The following MALRD1 variants were observed in gnomAD, a reference collection of about 807,000 sequenced individuals.
MALRD1 encodes the protein MAM and LDL receptor class A domain containing 1.
MALRD1 carries 247 observed loss-of-function variants against 242.1 expected under a neutral mutation model. The ratio of observed to expected loss-of-function variants is 1.02; its 90% CI spans 0.92 to 1.13. The LOEUF (loss-of-function observed/expected upper bound fraction) is 1.13, where lower values mean the gene tolerates loss of function less well. Among genes scored for constraint, MALRD1 ranks in the 50% most tolerant of loss-of-function variants. MALRD1 has a pLI of 0.00. For missense variants in MALRD1, 2,989 were observed against 2,533.1 expected (o/e 1.18, Z -3.86); for synonymous variants, 995 against 866.6 (o/e 1.15, Z -2.60).
chr10:19,515,512 G>GT (rs1322944276), intron 31 of MALRD1, among the ~76,000 whole-genome samples: 1 of 151,514 alleles, frequency 6.6e-6, no homozygotes, highest in Non-Finnish European at 1.5e-5. Context: ...TTAACTTGTT[G>GT]TTTGTACAGA....
At chr10:19,446,638 T>C (rs1385454300) in intron 28 of MALRD1, among the ~76,000 whole-genome samples, 1 of 152,194 alleles carries the variant, frequency 6.6e-6, no homozygotes, top group African/African-American at 2.4e-5. Context: ...AAACACACTA[T>C]AAAATAAATA....
chr10:19,719,231 T>TATATATATACATACATAC (rs1834608790), intron 38 of MALRD1, among the ~76,000 whole-genome samples: 1 of 31,406 alleles, frequency 3.2e-5, no homozygotes, highest in Non-Finnish European at 5.9e-5. Flanking sequence ...TACATATATA[T>TATATATATACATACATAC]ATATATATAT....
chr10:19,393,612 ATTTTTTT>A (rs71387075), intron 28 of MALRD1, among the ~76,000 whole-genome samples: 1 of 132,416 alleles, frequency 7.6e-6, no homozygotes, highest in Non-Finnish European at 1.6e-5. Flanking sequence ...CGCCTGGCTA[ATTTTTTT>A]TTTTTTTTTT....
intron 36 of MALRD1, among the ~76,000 whole-genome samples, chr10:19,618,110 T>C (rs555805801): frequency 7.9e-5 from 12 of 152,178 alleles, no homozygotes; most frequent in African/African-American, 2.9e-4. Flanking sequence ...GTTAGTTTGC[T>C]AAAGATAATG....
chr10:19,140,894 A>G (rs1588604952), intron 10 of MALRD1, among the ~76,000 whole-genome samples: 1 of 152,278 alleles, frequency 6.6e-6, no homozygotes, highest in East Asian at 1.9e-4. Flanking sequence ...AGTTAGTAAC[A>G]CTGTATTGTA....
chr10:19,532,101 ACT>A lies in MALRD1; in HGVS notation c.5478+753_5478+754del, dbSNP rs1211838104. 1.2e-4 allele frequency among the ~76,000 whole-genome samples: 18 copies of A among 152,244 alleles called. 1 individual carries two copies. The South Asian group carries it at 3.7e-3, about 32-fold the overall frequency. ...CCTTATATTTACATGTATTATAAAC[ACT>A]CTATGGTATCAATTTTAATTCTCAC... On this transcript the variant is annotated intron_variant, in intron 32 of 39. Coordinates refer to ENST00000454679, the MANE Select transcript of MALRD1 (RefSeq NM_001142308.3).
intron 21 of MALRD1, among the ~76,000 whole-genome samples, chr10:19,298,747 C>A (rs1841820386): frequency 6.6e-6 from 1 of 151,908 alleles, no homozygotes; most frequent in African/African-American, 2.4e-5. Flanking sequence ...GTTAAGAGTG[C>A]AGAGTTTTGG....
At chr10:19,494,503 A>C (rs1325693132) in intron 30 of MALRD1, among the ~76,000 whole-genome samples, 1 of 152,210 alleles carries the variant, frequency 6.6e-6, no homozygotes, top group Admixed American at 6.5e-5. Flanking sequence ...TCAGGAGGAC[A>C]TTGAAACCCA....
intron 19 of MALRD1, among the ~76,000 whole-genome samples, chr10:19,268,940 T>C (rs1427768115): frequency 6.6e-6 from 1 of 152,158 alleles, no homozygotes; most frequent in East Asian, 1.9e-4. Context: ...GGTAGTTTGG[T>C]TCCCCTGTGG....
chr10:19,087,230 A>T (rs891877601), intron 2 of MALRD1, among the ~76,000 whole-genome samples: 2 of 152,068 alleles, frequency 1.3e-5, no homozygotes, highest in Non-Finnish European at 2.9e-5. Flanking sequence ...TTTGGTAGGC[A>T]GTCCTAATAG....
intron 21 of MALRD1, among the ~76,000 whole-genome samples, chr10:19,302,471 C>T (rs1006335742): frequency 1.3e-5 from 2 of 151,730 alleles, no homozygotes; most frequent in Non-Finnish European, 2.9e-5. Flanking sequence ...AATGACGGAC[C>T]GTTGTGTGCT....
At chr10:19,578,036 ATGT>A (rs963061064) in intron 33 of MALRD1, among the ~76,000 whole-genome samples, 4 of 152,264 alleles carry the variant, frequency 2.6e-5, no homozygotes, top group Admixed American at 1.3e-4. Flanking sequence ...TGGAACACAT[ATGT>A]TGTTTGCTGG....
chr10:19,643,777 C>T (rs1382903691), intron 36 of MALRD1, among the ~76,000 whole-genome samples: 1 of 152,160 alleles, frequency 6.6e-6, no homozygotes, highest in African/African-American at 2.4e-5. Flanking sequence ...TATCTATTCT[C>T]TCCCTTTCTT....
intron 32 of MALRD1, among the ~76,000 whole-genome samples, chr10:19,532,572 T>G (rs772396453): frequency 6.6e-6 from 1 of 152,098 alleles, no homozygotes; most frequent in Non-Finnish European, 1.5e-5. Flanking sequence ...ATATGATATC[T>G]ATTACACAGT....
At chr10:19,083,023 G>T (rs1373242400) in intron 2 of MALRD1, among the ~76,000 whole-genome samples, 1 of 151,974 alleles carries the variant, frequency 6.6e-6, no homozygotes, top group Non-Finnish European at 1.5e-5. Context: ...GGTGGAAGGG[G>T]CAAAGCAAAT....
chr10:19,601,227 T>G (rs1465152035), intron 34 of MALRD1, among the ~76,000 whole-genome samples: 3 of 152,080 alleles, frequency 2.0e-5, no homozygotes. Flanking sequence ...TGAAAGAGAA[T>G]GTACCAAAAA....
At chr10:19,315,903 T>G (rs986074847) in intron 21 of MALRD1, among the ~76,000 whole-genome samples, 1 of 149,186 alleles carries the variant, frequency 6.7e-6, no homozygotes, top group Non-Finnish European at 1.5e-5. Context: ...AATGGTACAA[T>G]TTTACTAAAA....
rs780442058 is a variant in MALRD1, at chr10:19,203,847, C to T, written c.2071C>T (p.Pro691Ser). Residue 691 changes from proline (P) to serine (S), a missense_variant, in exon 15 of 40, where the codon CCA (proline) becomes TCA (serine). Physicochemically the swap from Pro to Ser is moderately conservative, Grantham distance 74. Coordinates refer to ENST00000454679, the MANE Select transcript of MALRD1 (RefSeq NM_001142308.3). ...ELSADFEHQA[P>S]PRDHSLNASQ... ...TTCTGCTGATTTTGAGCACCAGGCT[C>T]CACCTCGGGATCATAGTCTCAACGC... The T allele has an allele frequency of 2.6e-6, 4 of 1,550,484 alleles. No individual in the cohort carries two copies. In the South Asian group the frequency reaches 4.8e-5, roughly 18 times the overall value.
chr10:19,695,920 A>C (rs1297919173), intron 38 of MALRD1, among the ~76,000 whole-genome samples: 1 of 152,146 alleles, frequency 6.6e-6, no homozygotes, highest in African/African-American at 2.4e-5. Flanking sequence ...AATCACTATC[A>C]TAAGAACAGC....
Sources: gnomAD v4.1 joint callset for allele counts (sites outside exome capture counted in the v4.1 genomes callset) on GRCh38, gnomAD v4.1.1 for gene constraint, MANE v1.5 for transcripts, NCBI Gene and HGNC (gene_info 2026-07-23, HGNC 2026-07-21) for gene names.